BPTF: variants seen among roughly 807,000 people sequenced by gnomAD.
The protein encoded by BPTF is nucleosome-remodeling factor subunit BPTF.
Under a neutral mutation model 292.5 loss-of-function variants are expected in BPTF, and 18 were observed. That is an observed-to-expected ratio of 0.06 (90% CI 0.04 to 0.09). The LOEUF (loss-of-function observed/expected upper bound fraction) is 0.09. Ranked by LOEUF, BPTF falls within the 10% of genes least tolerant of loss-of-function variation. BPTF has a pLI of 1.00. For missense variants in BPTF, 2,726 were observed against 3,498.7 expected (o/e 0.78, Z 5.57); for synonymous variants, 1,225 against 1,251.9 (o/e 0.98, Z 0.45).
At chr17:67,875,289 A>G (rs1213826160) in intron 4 of BPTF, among the ~76,000 whole-genome samples, 1 of 152,156 alleles carries the variant, frequency 6.6e-6, no homozygotes, top group Non-Finnish European at 1.5e-5. Flanking sequence ...CTATTCTTTA[A>G]TATTATACCA....
At chr17:67,862,381 T>C (rs539483758) in intron 2 of BPTF, among the ~76,000 whole-genome samples, 2 of 152,336 alleles carry the variant, frequency 1.3e-5, no homozygotes, top group Admixed American at 1.3e-4. Context: ...CTAAACACTT[T>C]ATATATTTTA....
chr17:67,942,202 G>A (rs1346526762), intron 19 of BPTF, among the ~76,000 whole-genome samples: 7 of 152,064 alleles, frequency 4.6e-5, no homozygotes, highest in African/African-American at 1.4e-4. Flanking sequence ...TGTAATCCCA[G>A]CTGCTTGGGA....
chr17:67,887,354 A>C (rs2060815635), intron 4 of BPTF, among the ~76,000 whole-genome samples: 1 of 152,018 alleles, frequency 6.6e-6, no homozygotes, highest in African/African-American at 2.4e-5. Context: ...TTAATCTTCA[A>C]TTTTACGTAT....
intron 1 of BPTF, among the ~76,000 whole-genome samples, chr17:67,833,605 G>C (rs2056901582): frequency 6.9e-6 from 1 of 144,750 alleles, no homozygotes; most frequent in African/African-American, 2.6e-5. Context: ...AGAGTCTCTT[G>C]TCGCCCAGGC....
intron 19 of BPTF, among the ~76,000 whole-genome samples, chr17:67,942,421 C>T (rs1323273343): frequency 3.3e-5 from 5 of 152,198 alleles, no homozygotes; most frequent in South Asian, 2.1e-4. Flanking sequence ...GAGAGAAGTA[C>T]ATATTAAAAC....
intron 2 of BPTF, among the ~76,000 whole-genome samples, chr17:67,860,391 T>TA (rs2059004627): frequency 6.6e-6 from 1 of 152,254 alleles, no homozygotes; most frequent in Admixed American, 6.5e-5. Context: ...ATTGTAATGT[T>TA]ACCAATTTAT....
intron 26 of BPTF, among the ~76,000 whole-genome samples, chr17:67,973,390 A>G (rs1275351835): frequency 2.0e-5 from 3 of 151,852 alleles, no homozygotes; most frequent in Non-Finnish European, 4.4e-5. Flanking sequence ...AAAATAAAAT[A>G]TATATATAAC....
intron 23 of BPTF, among the ~76,000 whole-genome samples, chr17:67,953,898 T>G (rs375374576): frequency 6.6e-6 from 1 of 151,312 alleles, no homozygotes; most frequent in East Asian, 1.9e-4. Context: ...TCATTTGGAG[T>G]GAATTCAGAT....
chr17:67,904,605 A>G, intron 8 of BPTF, 97 bp from the exon 9 acceptor site: 2 of 951,178 alleles, frequency 2.1e-6, no homozygotes, highest in Non-Finnish European at 2.9e-6. Context: ...CATTTGCCTG[A>G]CTTTGAAACT....
intron 14 of BPTF, among the ~76,000 whole-genome samples, chr17:67,924,202 G>A (rs1188750035): frequency 6.6e-6 from 1 of 152,120 alleles, no homozygotes; most frequent in Non-Finnish European, 1.5e-5. Flanking sequence ...CAATCCACCT[G>A]CCTCGGCCTC....
At chr17:67,881,852 GT>G (rs1280950839) in intron 4 of BPTF, among the ~76,000 whole-genome samples, 22 of 38,386 alleles carry the variant, frequency 5.7e-4, no homozygotes, top group Non-Finnish European at 1.6e-3. Flanking sequence ...GGGATTTTGG[GT>G]TTTTGTTTTT....
intron 1 of BPTF, among the ~76,000 whole-genome samples, chr17:67,838,434 G>C (rs1477800321): frequency 2.0e-5 from 3 of 151,962 alleles, no homozygotes; most frequent in Non-Finnish European, 4.4e-5. Context: ...TTAATATTTT[G>C]GTTCCTCTCA....
chr17:67,956,789 C>G (rs1555681279), intron 23 of BPTF: 1 of 151,540 alleles, frequency 6.6e-6, no homozygotes, highest in Non-Finnish European at 1.5e-5. Flanking sequence ...TGGTGAAACC[C>G]CATCTCTACT....
Position 67,932,067 on chromosome 17 carries a change from A to G in BPTF, c.6259+48A>G, listed in dbSNP as rs58204525. ...CATTTTACATCTCAACAGCCAGTCT[A>G]GGAAATACGTAATTCTCTGCATTTG... On this transcript the variant is annotated intron_variant, in intron 18 of 27. Coordinates refer to ENST00000306378, the MANE Select transcript of BPTF (RefSeq NM_182641.4). The G allele has an allele frequency of 4.0e-3, 5,855 of 1,479,680 alleles. 131 individuals carry two copies. The African/African-American group carries it at 0.056, about 14-fold the overall frequency. The allele number at this position is 1,479,680 out of a possible 1,614,324, so 91.7% of individuals were successfully genotyped here.
At chr17:67,829,048 T>A (rs1205135025) in intron 1 of BPTF, among the ~76,000 whole-genome samples, 1 of 152,202 alleles carries the variant, frequency 6.6e-6, no homozygotes, top group African/African-American at 2.4e-5. Context: ...GTGGGTGTCA[T>A]AATCTCTAAA....
intron 24 of BPTF, chr17:67,963,580 T>G: frequency 2.3e-6 from 3 of 1,278,102 alleles, no homozygotes; most frequent in Middle Eastern, 2.0e-4. Context: ...TTATTTATTT[T>G]AAAATAAAAA....
At chr17:67,851,415 T>A (rs530216540) in intron 1 of BPTF, among the ~76,000 whole-genome samples, 2 of 152,330 alleles carry the variant, frequency 1.3e-5, no homozygotes, top group South Asian at 4.1e-4. Flanking sequence ...GCACGTTCAA[T>A]TGAGTTCAGA....
At chr17:67,829,189 G>T (rs901986818) in intron 1 of BPTF, among the ~76,000 whole-genome samples, 34 of 149,042 alleles carry the variant, frequency 2.3e-4, no homozygotes, top group Admixed American at 2.3e-3. Flanking sequence ...TTCTGTGAAC[G>T]TTTTTCATTG....
chr17:67,908,232 C>T (rs1366837819), intron 9 of BPTF, among the ~76,000 whole-genome samples: 1 of 151,992 alleles, frequency 6.6e-6, no homozygotes, highest in Admixed American at 6.6e-5. Context: ...CATCTCAGCT[C>T]GCTGCAAACT....
Sources: allele counts gnomAD v4.1 joint callset (sites outside exome capture counted in the v4.1 genomes callset), GRCh38; gene constraint gnomAD v4.1.1; transcripts MANE v1.5; gene names NCBI Gene and HGNC (gene_info 2026-07-23, HGNC 2026-07-21).